IRF2BP2: variants seen among roughly 807,000 people sequenced by gnomAD.
IRF2BP2 encodes the protein interferon regulatory factor 2-binding protein 2.
In IRF2BP2, 13 loss-of-function variants were observed where a neutral mutation model predicts 32.7. The observed-to-expected ratio is 0.40, with a 90% CI of 0.26 to 0.63. The LOEUF is 0.63. Ranked by LOEUF, IRF2BP2 falls within the 30% of genes least tolerant of loss-of-function variation. The pLI is 0.42. For synonymous variants in IRF2BP2, 555 were observed against 384.6 expected (o/e 1.44, Z -5.18); for missense variants, 980 against 830.6 (o/e 1.18, Z -2.21).
rs1672145617 is a variant in IRF2BP2 at position 234,605,797 on chromosome 1, A to G, written c.*1340T>C. The G allele has an allele frequency of 6.6e-6, 1 of 152,266 alleles. No individual in the cohort carries two copies. The highest frequency in any genetic ancestry group is 6.5e-5 in the Admixed American group (1 of 15,282). The allele number at this position is 152,266 out of a possible 1,614,324, so 9.4% of individuals were successfully genotyped here. A position where few individuals can be genotyped will look rare whatever the true frequency, so the allele number is the denominator to read the frequency against. ...TTGATGATTTATTGGTTTTAAAAAAATCATTTTACTGATGCAAAATAGTGA... is the reference window on the plus strand; with the variant it reads ...TTGATGATTTATTGGTTTTAAAAAAGTCATTTTACTGATGCAAAATAGTGA... On this transcript the variant is annotated 3_prime_UTR_variant, in exon 2 of 2. Transcript: ENST00000366609.
rs1465364420 is a variant in IRF2BP2 at position 234,610,132 on chromosome 1, C to T, written c.-638G>A. On this transcript the variant is annotated 5_prime_UTR_variant, in exon 1 of 2. Coordinates refer to ENST00000366609, the MANE Select transcript of IRF2BP2 (RefSeq NM_182972.3). The stretch of plus-strand genomic sequence containing the variant: ...GGCCAGCCCGCCTCAGCTCCGCCGC[C>T]GCCACCGTCGCTGCTGCTGCTGCCG... 1.3e-5 allele frequency among the ~76,000 whole-genome samples: 2 copies of T among 148,380 alleles called. No homozygotes were observed. Among genetic ancestry groups the T allele is most frequent in the Admixed American group, 6.7e-5 (1 of 14,956 alleles).
Position 234,609,581 on chromosome 1 carries a change from T to C in IRF2BP2, c.-87A>G. 1 of 728,258 alleles carries C rather than the reference T, an allele frequency of 1.4e-6. No individual in the cohort carries two copies. Among genetic ancestry groups the C allele is most frequent in the Non-Finnish European group, 1.9e-6 (1 of 522,910 alleles). The allele number at this position is 728,258 out of a possible 1,614,324, so 45.1% of individuals were successfully genotyped here. ...CCCCCCACCGGCACCACGCGCGCCC[T>C]CCTCCCCCCCCAACCCCGCGTCTCC... On this transcript the variant is annotated 5_prime_UTR_variant, in exon 1 of 2. Coordinates refer to ENST00000366609, the MANE Select transcript of IRF2BP2 (RefSeq NM_182972.3).
Position 234,607,775 on chromosome 1 carries a change from C to T in IRF2BP2, c.1126G>A (p.Ala376Thr). The T allele has an allele frequency of 6.2e-7, 1 of 1,613,700 alleles. No individual in the cohort carries two copies. The highest frequency in any genetic ancestry group is 8.5e-7 in the Non-Finnish European group (1 of 1,179,838). Reference protein sequence around the residue: ...EVGPPKINGEAQPWLSTSTEG... With the variant: ...EVGPPKINGETQPWLSTSTEG... ...GTGGATGTGGACAGCCACGGCTGGG[C>T]CTCTCCGTTGATCTTAGGGGGCCCG... is the stretch of plus-strand genomic sequence containing the variant. Residue 376 changes from alanine to threonine, a missense_variant, in exon 2 of 2, where the codon GCC (alanine) becomes ACC (threonine). By Grantham distance (58) the Ala-to-Thr change is moderately conservative. Transcript: ENST00000366609.
Position 234,608,626 on chromosome 1 carries a change from C to A in IRF2BP2, c.869G>T (p.Ser290Ile), listed in dbSNP as rs747213968. ...AELSAEGAGK[S>I]RGSGEQDWVN... ...CCAGTCCTGCTCTCCAGACCCGCGG[C>A]TCTTGCCCGCACCTTCCGCGCTCAG... The change falls in exon 1 of 2, where the codon AGC (serine) becomes ATC (isoleucine). Residue 290 changes from serine (S) to isoleucine (I), a missense_variant. By Grantham distance (142) the Ser-to-Ile change is moderately radical (BLOSUM62 -2). Transcript: ENST00000366609. 1.9e-6 allele frequency: 3 copies of A among 1,571,024 alleles called. No homozygotes were observed. Among genetic ancestry groups the A allele is most frequent in the Non-Finnish European group, 2.6e-6 (3 of 1,162,190 alleles).
At position 234,604,708 on chromosome 1, in the gene IRF2BP2, G is replaced by A. The variant is rs971994543; in HGVS notation, c.*2429C>T. ...GCTGAAATATTAGGATTTGAAATCTGATACTGCCCATGTACAGTAAGTAGC... is the reference window on the plus strand; with the variant it reads ...GCTGAAATATTAGGATTTGAAATCTAATACTGCCCATGTACAGTAAGTAGC... On this transcript the variant is annotated 3_prime_UTR_variant, in exon 2 of 2. Coordinates refer to ENST00000366609, the MANE Select transcript of IRF2BP2 (RefSeq NM_182972.3). The A allele has an allele frequency of 6.6e-6, 1 of 152,226 alleles. No individual in the cohort carries two copies. Among genetic ancestry groups the A allele is most frequent in the Admixed American group, 6.5e-5 (1 of 15,284 alleles). 9.4% of individuals were successfully genotyped at this position (152,226 alleles called of 1,614,324 possible). A position where few individuals can be genotyped will look rare whatever the true frequency, so the allele number is the denominator to read the frequency against.
Position 234,608,458 on chromosome 1 carries a change from C to G in IRF2BP2, c.1037G>C (p.Gly346Ala), listed in dbSNP as rs551340513. The G allele has an allele frequency of 6.3e-7, 1 of 1,579,806 alleles. No homozygotes were observed. The highest frequency in any genetic ancestry group is 1.7e-5 in the Admixed American group (1 of 57,564). ...LLGFEANGAN[G>A]SKAVARTARK... The stretch of plus-strand genomic sequence containing the variant: ...ACAGCCGCCCCTACCTGCTTTAGAC[C>G]CGTTGGCCCCGTTGGCCTCGAAACC... Residue 346 changes from glycine to alanine, a missense_variant, in exon 1 of 2, where the codon GGG becomes GCG. Coordinates refer to ENST00000366609, the MANE Select transcript of IRF2BP2 (RefSeq NM_182972.3).
Position 234,607,171 on chromosome 1 carries a change from C to A in IRF2BP2, c.1730G>T (p.Gly577Val). The A allele has an allele frequency of 1.2e-6, 2 of 1,611,576 alleles. No homozygotes were observed. The highest frequency in any genetic ancestry group is 1.7e-6 in the Non-Finnish European group (2 of 1,177,958). ...TCTCTCTTTTTTCACTTTCACATCT[C>A]CAGCAAGGATGGTTGCAATTTCCCC... ...MQGEIATILA[G>V]DVKVKKERDS The change falls in exon 2 of 2, where the codon GGA becomes GTA. Residue 577 changes from glycine (G) to valine (V), a missense_variant. Coordinates refer to ENST00000366609, the MANE Select transcript of IRF2BP2 (RefSeq NM_182972.3).
chr1:234,609,113 G>A lies in IRF2BP2; in HGVS notation c.382C>T (p.Arg128Cys), dbSNP rs113650920. The A allele has an allele frequency of 1.6e-6, 2 of 1,228,742 alleles. No homozygotes were observed. The highest frequency in any genetic ancestry group is 2.0e-6 in the Non-Finnish European group (2 of 987,134). 76.1% of individuals were successfully genotyped at this position (1,228,742 alleles called of 1,614,324 possible). ...PLAAAAERPP[R>C]LGSDFGSSRP... Reference sequence around the variant, plus strand: ...CTGCTGCCGAAGTCAGAGCCGAGGCGCGGGGGCCTCTCGGCCGCGGCCGCC... The same window carrying A: ...CTGCTGCCGAAGTCAGAGCCGAGGCACGGGGGCCTCTCGGCCGCGGCCGCC... Residue 128 changes from arginine (R) to cysteine (C), a missense_variant, in exon 1 of 2, where the codon CGC becomes TGC. Coordinates refer to ENST00000366609, the MANE Select transcript of IRF2BP2 (RefSeq NM_182972.3).
Position 234,607,968 on chromosome 1 carries a change from GCA to G in IRF2BP2, c.1049-118_1049-117del, listed in dbSNP as rs201592154. 2,425 of 813,156 alleles carry G rather than the reference GCA, an allele frequency of 3.0e-3. 49 individuals are homozygous for G. The African/African-American group carries it at 0.038, about 13-fold the overall frequency. 50.4% of individuals were successfully genotyped at this position (813,156 alleles called of 1,614,324 possible). On this transcript the variant is annotated intron_variant, in intron 1 of 1. Coordinates refer to ENST00000366609, the MANE Select transcript of IRF2BP2 (RefSeq NM_182972.3). ...GTTACAGAATTCCTCCTCTCTAAAA[GCA>G]CAGACAGAAAATACTCATATACGAG...
In IRF2BP2 at chr1:234,609,519, G is replaced by C; in HGVS notation, c.-25C>G. On this transcript the variant is annotated 5_prime_UTR_variant, in exon 1 of 2. Coordinates refer to ENST00000366609, the MANE Select transcript of IRF2BP2 (RefSeq NM_182972.3). ...TGTCCGAGGAGCCCGCGACGCCGGAGGAGGAGGCGGAGGAGGAGGAGGGGG... is the reference window on the plus strand; with the variant it reads ...TGTCCGAGGAGCCCGCGACGCCGGACGAGGAGGCGGAGGAGGAGGAGGGGG... 7.2e-7 allele frequency: 1 copy of C among 1,379,928 alleles called. No individual in the cohort carries two copies. Among genetic ancestry groups the C allele is most frequent in the Non-Finnish European group, 9.6e-7 (1 of 1,044,434 alleles). 85.5% of individuals were successfully genotyped at this position (1,379,928 alleles called of 1,614,324 possible). A position where few individuals can be genotyped will look rare whatever the true frequency, so the allele number is the denominator to read the frequency against.
rs1672258135 is a variant in IRF2BP2, at chr1:234,608,930, C to G, written c.565G>C (p.Val189Leu). ...RRGHAVPPTL[V>L]PLMNGSATPL... Reference sequence around the variant, plus strand: ...GTGGCCGAGCCGTTCATGAGCGGCACCAGGGTGGGCGGCACCGCGTGGCCG... The same window carrying G: ...GTGGCCGAGCCGTTCATGAGCGGCAGCAGGGTGGGCGGCACCGCGTGGCCG... The change falls in exon 1 of 2, where the codon GTG (valine) becomes CTG (leucine). Residue 189 changes from valine to leucine, a missense_variant. Physicochemically the swap from Val to Leu is conservative, Grantham distance 32. Transcript: ENST00000366609. 1 of 1,373,066 alleles carries G rather than the reference C, an allele frequency of 7.3e-7. No homozygotes were observed. Among genetic ancestry groups the G allele is most frequent in the South Asian group, 1.9e-5 (1 of 52,202 alleles). 85.1% of individuals were successfully genotyped at this position (1,373,066 alleles called of 1,614,324 possible).
At chr1:234,610,178 CA>C (rs1238342418), upstream of IRF2BP2, among the ~76,000 whole-genome samples, 1 of 148,564 alleles carries the variant, frequency 6.7e-6, no homozygotes, top group Non-Finnish European at 1.5e-5. Context: ...TCCACTTCTA[CA>C]GACTTGATTC....
chr1:234,609,916 G>T lies in IRF2BP2; in HGVS notation c.-422C>A, dbSNP rs895237284. ...GCGGCCGGCACGGAGTGCGGGGCGG[G>T]GGGCGGGGAGGCCGGGGGGGCAGGG... On this transcript the variant is annotated 5_prime_UTR_variant, in exon 1 of 2. Transcript: ENST00000366609. Among the ~76,000 whole-genome samples, 22 of 141,804 alleles carry T rather than the reference G, an allele frequency of 1.6e-4. No individual in the cohort carries two copies. The highest frequency in any genetic ancestry group is 2.2e-4 in the Non-Finnish European group (14 of 63,860). The allele number at this position is 141,804 out of a possible 152,430, so 93.0% of individuals were successfully genotyped here.
At position 234,609,033 on chromosome 1, in the gene IRF2BP2, G is replaced by A. The variant is rs1432484590; in HGVS notation, c.462C>T (p.Asn154=). ...AGAAGCCGTTGGGCACCAGGATGCC[G>A]TTCACGGGCGGCGGCTGCGGCGTCG... ...QPPTPQPPPV[N]GILVPNGFSK... is the part of the protein sequence containing the mutation. The change falls in exon 1 of 2, where the codon AAC becomes AAT. Residue 154 remains asparagine, a synonymous_variant. Transcript: ENST00000366609. 7 of 1,311,910 alleles carry A rather than the reference G, an allele frequency of 5.3e-6. No individual in the cohort carries two copies. Among genetic ancestry groups the A allele is most frequent in the South Asian group, 2.5e-5 (1 of 40,248 alleles). 81.3% of individuals were successfully genotyped at this position (1,311,910 alleles called of 1,614,324 possible).
At position 234,606,185 on chromosome 1, in the gene IRF2BP2, A is replaced by T. The variant is rs1445124990; in HGVS notation, c.*952T>A. The stretch of plus-strand genomic sequence containing the variant: ...AAACAGAAACAAAACCAATCCCACA[A>T]TCTCCAAGTTCACCTGGACTGTAAC... On this transcript the variant is annotated 3_prime_UTR_variant, in exon 2 of 2. Coordinates refer to ENST00000366609, the MANE Select transcript of IRF2BP2 (RefSeq NM_182972.3). 1 of 152,448 alleles carries T rather than the reference A, an allele frequency of 6.6e-6. No individual in the cohort carries two copies. The highest frequency in any genetic ancestry group is 1.9e-4 in the East Asian group (1 of 5,192). The allele number at this position is 152,448 out of a possible 1,614,324, so 9.4% of individuals were successfully genotyped here.
Position 234,610,126 on chromosome 1 carries a change from C to CGCCGCCGCCACCGTCGCTGCTGCTGCT in IRF2BP2, c.-659_-633dup, listed in dbSNP as rs1450461413. ...GTCAGCGGCCAGCCCGCCTCAGCTCCGCCGCCGCCACCGTCGCTGCTGCTG... is the reference window on the plus strand; with the variant it reads ...GTCAGCGGCCAGCCCGCCTCAGCTCCGCCGCCGCCACCGTCGCTGCTGCTGCTGCCGCCGCCACCGTCGCTGCTGCTG... On this transcript the variant is annotated 5_prime_UTR_variant, in exon 1 of 2. Transcript: ENST00000366609. Among the ~76,000 whole-genome samples the CGCCGCCGCCACCGTCGCTGCTGCTGCT allele has an allele frequency of 1.3e-5, 2 of 148,348 alleles. No individual in the cohort carries two copies. The highest frequency in any genetic ancestry group is 3.0e-5 in the Non-Finnish European group (2 of 66,478).
In IRF2BP2 at chr1:234,610,054, C is replaced by CCGCCGCTCTCTCACAGCTCCTGGCGT. The variant is rs1490046210; in HGVS notation, c.-586_-561dup. Reference sequence around the variant, plus strand: ...GGCGCGGCGCGGGCCCCGGGTCGCTCCGCCGCTCTCTCACAGCTCCTGGCG... The same window carrying CCGCCGCTCTCTCACAGCTCCTGGCGT: ...GGCGCGGCGCGGGCCCCGGGTCGCTCCGCCGCTCTCTCACAGCTCCTGGCGTCGCCGCTCTCTCACAGCTCCTGGCG... On this transcript the variant is annotated 5_prime_UTR_variant, in exon 1 of 2. Transcript: ENST00000366609. Among the ~76,000 whole-genome samples, 2 of 147,130 alleles carry CCGCCGCTCTCTCACAGCTCCTGGCGT rather than the reference C, an allele frequency of 1.4e-5. No homozygotes were observed. The highest frequency in any genetic ancestry group is 1.5e-5 in the Non-Finnish European group (1 of 66,068).
In IRF2BP2 at chr1:234,607,620, G is replaced by A; in HGVS notation, c.1281C>T (p.Ala427=). Residue 427 remains alanine, a synonymous_variant, in exon 2 of 2, where the codon GCC becomes GCT. Transcript: ENST00000366609. ...AAQNGQSPMA[A]LILVADNAGG... ...CTGCATTGTCTGCTACTAAGATCAG[G>A]GCTGCCATGGGGGACTGGCCATTCT... The A allele has an allele frequency of 6.2e-7, 1 of 1,614,230 alleles. No homozygotes were observed. Among genetic ancestry groups the A allele is most frequent in the Non-Finnish European group, 8.5e-7 (1 of 1,180,034 alleles).
rs1672162143 is a variant in IRF2BP2 at position 234,606,457 on chromosome 1, T to C, written c.*680A>G. On this transcript the variant is annotated 3_prime_UTR_variant, in exon 2 of 2. Coordinates refer to ENST00000366609, the MANE Select transcript of IRF2BP2 (RefSeq NM_182972.3). ...ACAGTGAACAGCGGTCAACTTTGTC[T>C]TAAAAAAAAAAAAACAAAAAACCCC... The C allele has an allele frequency of 6.7e-6, 1 of 148,894 alleles. No individual in the cohort carries two copies. Among genetic ancestry groups the C allele is most frequent in the South Asian group, 2.1e-4 (1 of 4,746 alleles). The allele number at this position is 148,894 out of a possible 1,614,324, so 9.2% of individuals were successfully genotyped here. A position where few individuals can be genotyped will look rare whatever the true frequency, so the allele number is the denominator to read the frequency against.
Sources: gnomAD v4.1 joint callset for allele counts (sites outside exome capture counted in the v4.1 genomes callset) on GRCh38, gnomAD v4.1.1 for gene constraint, MANE v1.5 for transcripts, NCBI Gene and HGNC (gene_info 2026-07-23, HGNC 2026-07-21) for gene names.